DERA: variants seen among roughly 807,000 people sequenced by gnomAD.
DERA encodes deoxyribose-phosphate aldolase.
In DERA, 15 loss-of-function variants were observed where a neutral mutation model predicts 41.1. The observed-to-expected ratio is 0.37, with a 90% CI of 0.24 to 0.56. The LOEUF (loss-of-function observed/expected upper bound fraction) is 0.56, where lower values mean the gene tolerates loss of function less well. Ranked by LOEUF, DERA falls within the 20% of genes least tolerant of loss-of-function variation. DERA has a pLI of 0.81. For missense variants in DERA, 396 were observed against 403.4 expected (o/e 0.98, Z 0.16); for synonymous variants, 139 against 137.4 (o/e 1.01, Z -0.08).
chr12:16,031,163 A>C (rs957843805), intron 6 of DERA, among the ~76,000 whole-genome samples: 1 of 152,266 alleles, frequency 6.6e-6, no homozygotes, highest in African/African-American at 2.4e-5. Context: ...GGTAACTATC[A>C]GAGCCAGAGC....
intron 6 of DERA, among the ~76,000 whole-genome samples, chr12:16,005,875 A>G (rs554062048): frequency 1.6e-4 from 24 of 152,356 alleles, no homozygotes; most frequent in African/African-American, 5.5e-4. Context: ...TTAAGCAGAC[A>G]AGATTACTAT....
intron 1 of DERA, among the ~76,000 whole-genome samples, chr12:15,927,565 C>T (rs926662288): frequency 5.3e-5 from 8 of 152,106 alleles, no homozygotes; most frequent in Non-Finnish European, 1.0e-4. Context: ...TCACAAACTT[C>T]AGGAAATGAA....
Position 16,014,740 on chromosome 12 carries a change from A to G in DERA, c.638-17802A>G, listed in dbSNP as rs1948969147. 6.6e-6 allele frequency among the ~76,000 whole-genome samples: 1 copy of G among 152,180 alleles called. No homozygotes were observed. The highest frequency in any genetic ancestry group is 1.5e-5 in the Non-Finnish European group (1 of 68,034). ...CTCCAGACCCCAGAATGGTAGATCC[A>G]CCAACAGCTTGCACCGTGGGCTTGG... On this transcript the variant is annotated intron_variant, in intron 6 of 8. Coordinates refer to ENST00000428559, the MANE Select transcript of DERA (RefSeq NM_015954.4). The surrounding 1 kb of genome is among the most constrained non-coding windows in gnomAD (Gnocchi z 5.4).
chr12:15,970,223 G>A lies in DERA; in HGVS notation c.508+7276G>A, dbSNP rs1166372680. Among the ~76,000 whole-genome samples the A allele has an allele frequency of 2.0e-5, 3 of 152,088 alleles. No homozygotes were observed. The East Asian group carries it at 5.8e-4, about 29-fold the overall frequency. On this transcript the variant is annotated intron_variant, in intron 5 of 8. Transcript: ENST00000428559. This position sits in a 1 kb window ranked among gnomAD's most constrained non-coding sequence, Gnocchi z 4.3. ...TAAGAGTTATTTTCAGGCCATTCTT[G>A]TGCAGTGTTGAACATCTTTCTGATA... is the stretch of plus-strand genomic sequence containing the variant.
At chr12:16,002,509 T>C (rs74063609) in intron 6 of DERA, among the ~76,000 whole-genome samples, 12,936 of 152,158 alleles carry the variant, frequency 0.085, 1,704 homozygotes, top group African/African-American at 0.28. Flanking sequence ...TATATATTTG[T>C]AACATACAAT....
intron 5 of DERA, among the ~76,000 whole-genome samples, chr12:15,975,590 T>C (rs1323606609): frequency 6.6e-6 from 1 of 152,218 alleles, no homozygotes; most frequent in African/African-American, 2.4e-5. Context: ...TTATCTATGT[T>C]TTAAACTATG....
intron 1 of DERA, among the ~76,000 whole-genome samples, chr12:15,955,318 C>A (rs917149918): frequency 1.3e-5 from 2 of 151,712 alleles, no homozygotes; most frequent in African/African-American, 4.8e-5. Flanking sequence ...AAAGAGGCTC[C>A]CCTGCGTTTG....
At chr12:15,945,103 A>G (rs1418034498) in intron 1 of DERA, among the ~76,000 whole-genome samples, 2 of 152,284 alleles carry the variant, frequency 1.3e-5, no homozygotes, top group Non-Finnish European at 1.5e-5. Context: ...CTGTTTTGGT[A>G]CCAGTACCAT....
chr12:15,967,596 G>A lies in DERA; in HGVS notation c.508+4649G>A, dbSNP rs985682219. On this transcript the variant is annotated intron_variant, in intron 5 of 8. Transcript: ENST00000428559. The surrounding 1 kb of genome is among the most constrained non-coding windows in gnomAD (Gnocchi z 4.9). Reference sequence around the variant, plus strand: ...TTTCAGGGGCCAGTGGAATCTCTGAGATGATTGGCCTCATAGCTCACAGTC... The same window carrying A: ...TTTCAGGGGCCAGTGGAATCTCTGAAATGATTGGCCTCATAGCTCACAGTC... 2.6e-5 allele frequency among the ~76,000 whole-genome samples: 4 copies of A among 152,186 alleles called. No homozygotes were observed. Among genetic ancestry groups the A allele is most frequent in the Non-Finnish European group, 5.9e-5 (4 of 68,032 alleles).
chr12:15,919,744 C>G (rs1409718765), intron 1 of DERA, among the ~76,000 whole-genome samples: 2 of 152,208 alleles, frequency 1.3e-5, no homozygotes, highest in African/African-American at 4.8e-5. Flanking sequence ...TCTGTATAGT[C>G]AGGCCTTCCT....
chr12:15,997,531 T>C (rs1288560366), intron 6 of DERA, among the ~76,000 whole-genome samples: 2 of 152,160 alleles, frequency 1.3e-5, no homozygotes, highest in African/African-American at 4.8e-5. Context: ...TTAGGGGGCG[T>C]TCTTGAAATC....
Position 15,979,196 on chromosome 12 carries a change from A to G in DERA, c.509-3112A>G, listed in dbSNP as rs142255392. Among the ~76,000 whole-genome samples, 152 of 152,356 alleles carry G rather than the reference A, an allele frequency of 1.0e-3. 1 individual carries two copies. In the East Asian group the frequency reaches 0.024, roughly 24 times the overall value. On this transcript the variant is annotated intron_variant, in intron 5 of 8. Transcript: ENST00000428559. ...ACATAAAGAAGCTCACTGAATAAGT[A>G]GGAAGCCTTGCTTGGAAAAAAAGCA...
chr12:15,921,883 G>A lies in DERA; in HGVS notation c.31+10469G>A, dbSNP rs900380538. Among the ~76,000 whole-genome samples the A allele has an allele frequency of 1.1e-4, 17 of 151,996 alleles. No homozygotes were observed. The highest frequency in any genetic ancestry group is 1.0e-3 in the Admixed American group (16 of 15,254). ...AGAGGTTGCAGTGAGCCGAGATCAC[G>A]CCATTGCACTCCAGCCTGGGTGACG... On this transcript the variant is annotated intron_variant, in intron 1 of 8. Coordinates refer to ENST00000428559, the MANE Select transcript of DERA (RefSeq NM_015954.4). This position sits in a 1 kb window ranked among gnomAD's most constrained non-coding sequence, Gnocchi z 5.3.
intron 6 of DERA, among the ~76,000 whole-genome samples, chr12:16,025,172 A>C (rs893559761): frequency 2.6e-5 from 4 of 152,160 alleles, no homozygotes; most frequent in African/African-American, 7.2e-5. Flanking sequence ...AAATGCAACA[A>C]ATGGAAAAGT....
chr12:16,022,739 A>T (rs559390792), intron 6 of DERA, among the ~76,000 whole-genome samples: 3 of 152,318 alleles, frequency 2.0e-5, no homozygotes, highest in African/African-American at 7.2e-5. Context: ...GTCTCAGCTG[A>T]AATTTGCTTA....
At chr12:15,912,828 G>A (rs924045511) in intron 1 of DERA, among the ~76,000 whole-genome samples, 2 of 152,150 alleles carry the variant, frequency 1.3e-5, no homozygotes, top group African/African-American at 2.4e-5. Context: ...ATTTTTTGTC[G>A]AATGGTAAGA....
chr12:15,963,077 A>C, intron 5 of DERA, 130 bp downstream of exon 5: 1 of 1,270,108 alleles, frequency 7.9e-7, no homozygotes, highest in Non-Finnish European at 1.1e-6. Flanking sequence ...TGGTGAGTTT[A>C]GGAGAAAGCA....
At chr12:15,997,697 CATTG>C (rs1158033051) in intron 6 of DERA, among the ~76,000 whole-genome samples, 1 of 152,066 alleles carries the variant, frequency 6.6e-6, no homozygotes, top group Non-Finnish European at 1.5e-5. Flanking sequence ...CCATAAAATC[CATTG>C]ATTGTATATG....
rs531587205 is a variant in DERA, at chr12:16,012,869, C to T, written c.638-19673C>T. The stretch of plus-strand genomic sequence containing the variant: ...AATTATATTTTATTTAATAAATCTG[C>T]AATATATCATTTTAATGTGTAGTGA... On this transcript the variant is annotated intron_variant, in intron 6 of 8. Transcript: ENST00000428559. The surrounding 1 kb of genome is among the most constrained non-coding windows in gnomAD (Gnocchi z 4.1). 2.6e-5 allele frequency among the ~76,000 whole-genome samples: 4 copies of T among 152,174 alleles called. 1 individual carries two copies. Among genetic ancestry groups the T allele is most frequent in the East Asian group, 3.9e-4 (2 of 5,176 alleles).
Sources: gnomAD v4.1 joint callset for allele counts (sites outside exome capture counted in the v4.1 genomes callset) on GRCh38, gnomAD v4.1.1 for gene constraint, Gnocchi (gnomAD v3.1) non-coding constraint, MANE v1.5 for transcripts, NCBI Gene and HGNC (gene_info 2026-07-23, HGNC 2026-07-21) for gene names.